ARHGAP12: variants seen among roughly 807,000 people sequenced by gnomAD.
ARHGAP12 encodes the protein rho GTPase-activating protein 12.
In ARHGAP12, 64 loss-of-function variants were observed where a neutral mutation model predicts 108.6. The ratio of observed to expected loss-of-function variants is 0.59; its 90% CI spans 0.48 to 0.73. ARHGAP12 has a LOEUF of 0.73. Ranked by LOEUF, ARHGAP12 falls within the 30% of genes least tolerant of loss-of-function variation. The pLI is 0.00. For synonymous variants in ARHGAP12, 312 were observed against 337.2 expected (o/e 0.93, Z 0.82); for missense variants, 940 against 1,005.9 (o/e 0.93, Z 0.89).
chr10:31,807,355 A>G lies in ARHGAP12; in HGVS notation c.*303T>C, dbSNP rs1834852034. The G allele has an allele frequency of 4.6e-6, 1 of 219,522 alleles. No homozygotes were observed. The highest frequency in any genetic ancestry group is 8.9e-6 in the Non-Finnish European group (1 of 112,616). 13.6% of individuals were successfully genotyped at this position (219,522 alleles called of 1,614,324 possible). On this transcript the variant is annotated 3_prime_UTR_variant, in exon 20 of 20. Transcript: ENST00000344936. Reference sequence around the variant, plus strand: ...AAAAATACAGTTTTCTTACCAAATTATCCAGTGTATATGACTGGTTAGAAT... The same window carrying G: ...AAAAATACAGTTTTCTTACCAAATTGTCCAGTGTATATGACTGGTTAGAAT...
In ARHGAP12 at chr10:31,826,454, G is replaced by A. The variant is rs1835613535; in HGVS notation, c.1449-69C>T. 8.0e-6 allele frequency: 10 copies of A among 1,256,788 alleles called. No individual in the cohort carries two copies. In the Admixed American group the frequency reaches 2.0e-4, roughly 25 times the overall value. 77.9% of individuals were successfully genotyped at this position (1,256,788 alleles called of 1,614,324 possible). The stretch of plus-strand genomic sequence containing the variant: ...CTTTCAGCCAAATTCAAAAAATTAA[G>A]ACCTACTTAGCTCTTATCAATGTTA... On this transcript the variant is annotated intron_variant, in intron 10 of 19. Transcript: ENST00000344936.
At chr10:31,848,860 CAGG>C (rs1290827963) in intron 6 of ARHGAP12, among the ~76,000 whole-genome samples, 1 of 152,082 alleles carries the variant, frequency 6.6e-6, no homozygotes, top group Non-Finnish European at 1.5e-5. Flanking sequence ...ATCACAAGGT[CAGG>C]AGTTCGAGAC....
At chr10:31,905,380 A>C (rs1474343526) in intron 3 of ARHGAP12, among the ~76,000 whole-genome samples, 5 of 152,212 alleles carry the variant, frequency 3.3e-5, no homozygotes, top group Non-Finnish European at 5.9e-5. Context: ...ACAAGCGCAC[A>C]CTAAAATTCT....
Position 31,921,540 on chromosome 10 carries a change from C to T in ARHGAP12, c.-111+7143G>A, listed in dbSNP as rs556978087. The stretch of plus-strand genomic sequence containing the variant: ...CAGCACTTTGGGAGGCAGAGTCGGG[C>T]GGATAATGAGGTCAGGAGTTCGATA... On this transcript the variant is annotated intron_variant, in intron 1 of 19. Transcript: ENST00000344936. Among the ~76,000 whole-genome samples, 85 of 151,602 alleles carry T rather than the reference C, an allele frequency of 5.6e-4. 1 individual carries two copies. The Middle Eastern group carries it at 0.01, about 18-fold the overall frequency.
At position 31,921,094 on chromosome 10, in the gene ARHGAP12, T is replaced by C. The variant is rs887108742; in HGVS notation, c.-111+7589A>G. ...GAGTTCAAGACCAGCCTGGTGAGTT[T>C]TGAACTCCTGGTGAGACCCCGTCTC... On this transcript the variant is annotated intron_variant, in intron 1 of 19. Transcript: ENST00000344936. Among the ~76,000 whole-genome samples, 61 of 151,924 alleles carry C rather than the reference T, an allele frequency of 4.0e-4. 1 individual carries two copies. The highest frequency in any genetic ancestry group is 3.4e-3 in the Middle Eastern group (1 of 294).
chr10:31,898,079 G>A (rs1251773889), intron 3 of ARHGAP12, among the ~76,000 whole-genome samples: 1 of 152,086 alleles, frequency 6.6e-6, no homozygotes, highest in Non-Finnish European at 1.5e-5. Context: ...AGCCATGATC[G>A]CACCACTGCA....
chr10:31,844,958 C>T (rs1009380391), intron 6 of ARHGAP12, among the ~76,000 whole-genome samples: 2 of 152,108 alleles, frequency 1.3e-5, no homozygotes, highest in Non-Finnish European at 2.9e-5. Context: ...ATGCATTGGA[C>T]TTGTAGATTA....
intron 14 of ARHGAP12, among the ~76,000 whole-genome samples, chr10:31,813,717 C>A (rs1835100055): frequency 6.6e-6 from 1 of 152,098 alleles, no homozygotes. Flanking sequence ...CAATGTAATT[C>A]ATAAGGGGCC....
At chr10:31,825,000 G>A (rs909242186) in intron 11 of ARHGAP12, among the ~76,000 whole-genome samples, 1 of 152,110 alleles carries the variant, frequency 6.6e-6, no homozygotes, top group Non-Finnish European at 1.5e-5. Context: ...AGGAAAAGGA[G>A]AAAGACATAA....
At chr10:31,915,519 A>G (rs1483250606) in intron 1 of ARHGAP12, among the ~76,000 whole-genome samples, 1 of 147,234 alleles carries the variant, frequency 6.8e-6, no homozygotes, top group African/African-American at 2.7e-5. Flanking sequence ...CAAGAGATCT[A>G]TTGTACAGCA....
intron 3 of ARHGAP12, among the ~76,000 whole-genome samples, chr10:31,891,166 T>C (rs1838413137): frequency 6.6e-6 from 1 of 152,216 alleles, no homozygotes; most frequent in South Asian, 2.1e-4. Flanking sequence ...TGATGTGTTG[T>C]TCTATATAAA....
At chr10:31,919,635 A>G (rs1839704798) in intron 1 of ARHGAP12, among the ~76,000 whole-genome samples, 1 of 151,392 alleles carries the variant, frequency 6.6e-6, no homozygotes, top group African/African-American at 2.4e-5. Context: ...CTAAAAATGC[A>G]AAAAAATTAG....
At chr10:31,870,320 CCTGCGTTCAAGCAAATT>C (rs1837493687) in intron 3 of ARHGAP12, among the ~76,000 whole-genome samples, 1 of 151,700 alleles carries the variant, frequency 6.6e-6, no homozygotes, top group African/African-American at 2.4e-5. Flanking sequence ...ACCTCCGCCT[CCTGCGTTCAAGCAAATT>C]CTCCTGCCTC....
chr10:31,889,123 G>C (rs1265913544), intron 3 of ARHGAP12, among the ~76,000 whole-genome samples: 1 of 152,214 alleles, frequency 6.6e-6, no homozygotes, highest in African/African-American at 2.4e-5. Context: ...TTTTGGCCAG[G>C]CTGGTCTCGA....
At chr10:31,900,829 G>A (rs1446857551) in intron 3 of ARHGAP12, among the ~76,000 whole-genome samples, 4 of 143,468 alleles carry the variant, frequency 2.8e-5, no homozygotes, top group African/African-American at 1.0e-4. Context: ...CCCAATGTAT[G>A]CAAATTTTTT....
intron 4 of ARHGAP12, among the ~76,000 whole-genome samples, chr10:31,856,957 A>G (rs752611523): frequency 1.3e-5 from 2 of 152,240 alleles, no homozygotes; most frequent in African/African-American, 2.4e-5. Context: ...GAAACAATGA[A>G]TATTAGCCAT....
chr10:31,827,727 C>A (rs1835670066), intron 10 of ARHGAP12, among the ~76,000 whole-genome samples: 1 of 150,942 alleles, frequency 6.6e-6, no homozygotes, highest in Non-Finnish European at 1.5e-5. Flanking sequence ...GGAGGCAGAG[C>A]TTGCAGTGAG....
At chr10:31,880,181 CTTT>C (rs1837886312) in intron 3 of ARHGAP12, among the ~76,000 whole-genome samples, 1 of 152,100 alleles carries the variant, frequency 6.6e-6, no homozygotes, top group South Asian at 2.1e-4. Flanking sequence ...TTTTTGCCTT[CTTT>C]ATTTTGTTCT....
Position 31,908,507 on chromosome 10 carries a change from C to T in ARHGAP12, c.349G>A (p.Gly117Arg), listed in dbSNP as rs780601971. The T allele has an allele frequency of 1.5e-5, 24 of 1,614,016 alleles. No individual in the cohort carries two copies. In the African/African-American group the frequency reaches 2.0e-4, roughly 13 times the overall value. ...VNKLPELSSF[G>R]KPSSSVQGTG... Reference sequence around the variant, plus strand: ...CCTTGAACAGATGACGATGGCTTTCCGAAACTTGAAAGCTCAGGCAATTTG... The same window carrying T: ...CCTTGAACAGATGACGATGGCTTTCTGAAACTTGAAAGCTCAGGCAATTTG... Residue 117 changes from glycine (G) to arginine (R), a missense_variant, in exon 3 of 20, where the codon GGA (glycine) becomes AGA (arginine). By Grantham distance (125) the Gly-to-Arg change is moderately radical (BLOSUM62 -2). Transcript: ENST00000344936.
Sources: allele counts gnomAD v4.1 joint callset (sites outside exome capture counted in the v4.1 genomes callset), GRCh38; gene constraint gnomAD v4.1.1; transcripts MANE v1.5; gene names NCBI Gene and HGNC (gene_info 2026-07-23, HGNC 2026-07-21).